RALGPS1: variants seen among roughly 807,000 people sequenced by gnomAD.
RALGPS1 encodes Ral GEF with PH domain and SH3 binding motif 1, also known as ras-specific guanine nucleotide-releasing factor RalGPS1.
A neutral mutation model predicts 78.8 loss-of-function variants in RALGPS1; 19 were observed. The ratio of observed to expected loss-of-function variants is 0.24; its 90% CI spans 0.17 to 0.35. The LOEUF (loss-of-function observed/expected upper bound fraction) is 0.35. Among genes scored for constraint, RALGPS1 ranks in the 10% least tolerant of loss-of-function variants. The probability of loss-of-function intolerance (pLI) is 1.00; values close to 1 mark genes in which losing one functional copy is unlikely to be tolerated. For missense variants in RALGPS1, 454 were observed against 688.3 expected (o/e 0.66, Z 3.81); for synonymous variants, 228 against 256.3 (o/e 0.89, Z 1.06).
At chr9:127,142,936 A>G (rs1238793482) in intron 8 of RALGPS1, among the ~76,000 whole-genome samples, 1 of 152,244 alleles carries the variant, frequency 6.6e-6, no homozygotes, top group Non-Finnish European at 1.5e-5. Context: ...TGTGGAAACT[A>G]CCTCAACAAT....
chr9:127,172,665 T>C (rs1489149467), intron 10 of RALGPS1, among the ~76,000 whole-genome samples: 3 of 152,256 alleles, frequency 2.0e-5, no homozygotes. Flanking sequence ...TAGGTATTCA[T>C]TCAGCACTCT....
intron 4 of RALGPS1, among the ~76,000 whole-genome samples, chr9:126,997,099 A>G (rs1166247034): frequency 6.6e-6 from 1 of 152,246 alleles, no homozygotes; most frequent in Non-Finnish European, 1.5e-5. Context: ...AAAAACTGGA[A>G]GCATTCCCTT....
At chr9:127,136,850 C>T (rs574970731) in intron 8 of RALGPS1, among the ~76,000 whole-genome samples, 7 of 152,252 alleles carry the variant, frequency 4.6e-5, no homozygotes, top group East Asian at 3.9e-4. Context: ...TGCCTCTGAC[C>T]GCATGGAGTC....
chr9:127,004,469 T>C (rs2043645116), intron 4 of RALGPS1, among the ~76,000 whole-genome samples: 1 of 152,232 alleles, frequency 6.6e-6, no homozygotes, highest in African/African-American at 2.4e-5. Flanking sequence ...GTGGAAACAT[T>C]ATTTTTCTTA....
chr9:126,992,697 C>T (rs2042386194), intron 4 of RALGPS1, among the ~76,000 whole-genome samples: 1 of 152,228 alleles, frequency 6.6e-6, no homozygotes, highest in South Asian at 2.1e-4. Context: ...TATATCACCT[C>T]ATGTATGTAG....
At chr9:127,203,889 CA>C (rs2061784608) in intron 14 of RALGPS1, among the ~76,000 whole-genome samples, 1 of 152,152 alleles carries the variant, frequency 6.6e-6, no homozygotes, top group Non-Finnish European at 1.5e-5. Context: ...AATCATGCAC[CA>C]GGCTGGGACA....
At chr9:127,139,014 A>C (rs932708010) in intron 8 of RALGPS1, among the ~76,000 whole-genome samples, 1 of 152,068 alleles carries the variant, frequency 6.6e-6, no homozygotes, top group Non-Finnish European at 1.5e-5. Flanking sequence ...TGATTCTTCT[A>C]TCTCTCCCTG....
intron 1 of RALGPS1, among the ~76,000 whole-genome samples, chr9:126,939,403 ATT>A (rs971809249): frequency 9.2e-5 from 14 of 152,362 alleles, no homozygotes; most frequent in Non-Finnish European, 1.5e-4. Context: ...AAATAACAGT[ATT>A]TGAACATGTA....
chr9:127,199,499 G>A (rs2061509171), intron 14 of RALGPS1, among the ~76,000 whole-genome samples: 1 of 150,858 alleles, frequency 6.6e-6, no homozygotes, highest in South Asian at 2.1e-4. Context: ...GCTAGGCACT[G>A]GTGACAGGGA....
At chr9:127,119,876 T>G (rs1168809735) in intron 8 of RALGPS1, among the ~76,000 whole-genome samples, 1 of 152,226 alleles carries the variant, frequency 6.6e-6, no homozygotes, top group Non-Finnish European at 1.5e-5. Context: ...GAGAAGACAG[T>G]GAGCCACCAT....
chr9:127,194,991 C>T (rs113377352), intron 11 of RALGPS1, 100 bp from the exon 12 acceptor site: 15,603 of 1,458,668 alleles, frequency 0.011, 109 homozygotes, highest in Non-Finnish European at 0.013. Context: ...AGTTGCTGTA[C>T]TTCAAACCCG....
intron 4 of RALGPS1, among the ~76,000 whole-genome samples, chr9:127,028,268 C>T (rs1232788645): frequency 6.6e-6 from 1 of 152,268 alleles, no homozygotes. Flanking sequence ...TGCCGGAGCC[C>T]CGGCTAAGGC....
intron 7 of RALGPS1, among the ~76,000 whole-genome samples, chr9:127,063,349 G>A (rs939658245): frequency 6.6e-6 from 1 of 152,116 alleles, no homozygotes; most frequent in African/African-American, 2.4e-5. Context: ...TTTTGACCTC[G>A]TGGTTTGTGA....
chr9:127,062,396 C>T (rs1030598469), intron 7 of RALGPS1, among the ~76,000 whole-genome samples: 2 of 152,028 alleles, frequency 1.3e-5, no homozygotes, highest in African/African-American at 4.8e-5. Context: ...CCGCGCCCGG[C>T]CAAGGATGAT....
In RALGPS1 at chr9:127,100,849, C is replaced by T. The variant is rs141409479; in HGVS notation, c.610+31493C>T. Among the ~76,000 whole-genome samples, 8 of 152,316 alleles carry T rather than the reference C, an allele frequency of 5.3e-5. No homozygotes were observed. In the East Asian group the frequency reaches 1.3e-3, roughly 26 times the overall value. On this transcript the variant is annotated intron_variant, in intron 8 of 18. Coordinates refer to ENST00000259351, the MANE Select transcript of RALGPS1 (RefSeq NM_014636.3). Reference sequence around the variant, plus strand: ...TGGTTTCTTCTTTAAGAACCTATGTCGGCTTTCATTGGTGACCTTTTAATC... The same window carrying T: ...TGGTTTCTTCTTTAAGAACCTATGTTGGCTTTCATTGGTGACCTTTTAATC...
At chr9:127,194,003 A>G (rs1248529635) in intron 11 of RALGPS1, among the ~76,000 whole-genome samples, 2 of 152,204 alleles carry the variant, frequency 1.3e-5, no homozygotes, top group East Asian at 1.9e-4. Flanking sequence ...CATGGCCAGC[A>G]TGAAGGATTT....
rs376034841 is a variant in RALGPS1 at position 127,120,674 on chromosome 9, C to T, written c.611-45395C>T. ...CGTCTCTACTGAAAATACACACACA[C>T]AAAATTAGCTGGGCGTGGTGGTGGG... On this transcript the variant is annotated intron_variant, in intron 8 of 18. Transcript: ENST00000259351. Among the ~76,000 whole-genome samples, 7 of 152,198 alleles carry T rather than the reference C, an allele frequency of 4.6e-5. No homozygotes were observed. The South Asian group carries it at 1.0e-3, about 23-fold the overall frequency.
At chr9:127,105,643 G>A (rs1426656448) in intron 8 of RALGPS1, among the ~76,000 whole-genome samples, 1 of 152,200 alleles carries the variant, frequency 6.6e-6, no homozygotes, top group Non-Finnish European at 1.5e-5. Flanking sequence ...TGATCAGACA[G>A]CCCAGTTTTC....
chr9:127,177,891 T>C (rs2059972467), intron 11 of RALGPS1: 2 of 1,549,152 alleles, frequency 1.3e-6, no homozygotes, highest in African/African-American at 1.4e-5. Flanking sequence ...CTCTGTTGTT[T>C]ATTAGCCATG....
Sources: gnomAD v4.1 joint callset for allele counts (sites outside exome capture counted in the v4.1 genomes callset) on GRCh38, gnomAD v4.1.1 for gene constraint, MANE v1.5 for transcripts, NCBI Gene and HGNC (gene_info 2026-07-23, HGNC 2026-07-21) for gene names.